Variants in NTRK3 observed in about 807,000 individuals in gnomAD.
NTRK3 encodes the protein NT-3 growth factor receptor.
In NTRK3, 24 loss-of-function variants were observed where a neutral mutation model predicts 91.7. That is an observed-to-expected ratio of 0.26 (90% CI 0.19 to 0.37). NTRK3 has a LOEUF of 0.37. Among genes scored for constraint, NTRK3 ranks in the 10% least tolerant of loss-of-function variants. NTRK3 has a pLI of 1.00. For missense variants in NTRK3, 880 were observed against 1,068.9 expected (o/e 0.82, Z 2.46); for synonymous variants, 483 against 404.0 (o/e 1.20, Z -2.34).
chr15:88,213,448 T>G (rs995953128), intron 3 of NTRK3, among the ~76,000 whole-genome samples: 1 of 152,124 alleles, frequency 6.6e-6, no homozygotes, highest in Non-Finnish European at 1.5e-5. Flanking sequence ...TGAGATGCTG[T>G]GAGGGTGTGC....
chr15:88,107,026 T>C (rs2050787495), intron 13 of NTRK3, among the ~76,000 whole-genome samples: 1 of 143,462 alleles, frequency 7.0e-6, no homozygotes. Flanking sequence ...ATATATACAT[T>C]TACATATATG....
intron 10 of NTRK3, among the ~76,000 whole-genome samples, chr15:88,129,316 T>A (rs148972420): frequency 0.011 from 1,600 of 152,344 alleles, 21 homozygotes; most frequent in Non-Finnish European, 0.017. Context: ...GCACATTGAT[T>A]ATAAGCGAGG....
rs544085613 is a variant in NTRK3 at position 88,136,732 on chromosome 15, T to C, written c.623-123A>G. 4 of 1,230,886 alleles carry C rather than the reference T, an allele frequency of 3.2e-6. No homozygotes were observed. In the East Asian group the frequency reaches 7.7e-5, roughly 24 times the overall value. 76.2% of individuals were successfully genotyped at this position (1,230,886 alleles called of 1,614,324 possible). On this transcript the variant is annotated intron_variant, in intron 7 of 18. Transcript: ENST00000394480. ...CAGTAATGACTCTAACACCACCTGC[T>C]TGAGTTCTTGGAAGACCCGCAAATC...
At chr15:87,919,124 T>C (rs1043517467) in intron 17 of NTRK3, among the ~76,000 whole-genome samples, 2 of 152,048 alleles carry the variant, frequency 1.3e-5, no homozygotes, top group African/African-American at 4.8e-5. Context: ...TCACACAGTG[T>C]AGAAGAAAGA....
intron 14 of NTRK3, among the ~76,000 whole-genome samples, chr15:88,032,494 G>A (rs558628604): frequency 2.0e-4 from 31 of 152,196 alleles, no homozygotes; most frequent in Admixed American, 7.8e-4. Flanking sequence ...GTGAGCTCAG[G>A]GGCTGCTGTC....
At chr15:88,065,154 G>A (rs989925598) in intron 13 of NTRK3, among the ~76,000 whole-genome samples, 4 of 152,066 alleles carry the variant, frequency 2.6e-5, no homozygotes, top group Non-Finnish European at 5.9e-5. Flanking sequence ...GATAGAAAGA[G>A]GGTAGAGGTC....
At chr15:88,127,387 A>AC (rs35645925) in intron 11 of NTRK3, among the ~76,000 whole-genome samples, 161 bp from the exon 12 acceptor site, 1 of 151,232 alleles carries the variant, frequency 6.6e-6, no homozygotes, top group Non-Finnish European at 1.5e-5. Flanking sequence ...GCTTTGCAGG[A>AC]CCCCCCACCC....
At chr15:87,908,086 T>G (rs1281628184) in intron 17 of NTRK3, among the ~76,000 whole-genome samples, 5 of 152,050 alleles carry the variant, frequency 3.3e-5, no homozygotes, top group African/African-American at 1.2e-4. Context: ...GCACCCAAAG[T>G]GTACTCAAAA....
At chr15:87,968,785 G>C (rs192279831) in intron 14 of NTRK3, among the ~76,000 whole-genome samples, 6 of 152,270 alleles carry the variant, frequency 3.9e-5, no homozygotes, top group African/African-American at 1.2e-4. Context: ...ATGGAAGAGA[G>C]AGCATGTGAA....
chr15:87,866,083 G>A, exon 19 of NTRK3: 2 of 229,252 alleles, frequency 8.7e-6, no homozygotes, highest in African/African-American at 4.4e-5. Context: ...TCTCATTTAG[G>A]GCTCAAATAA....
intron 17 of NTRK3, among the ~76,000 whole-genome samples, chr15:87,885,025 T>C (rs1409002904): frequency 6.6e-6 from 1 of 151,810 alleles, no homozygotes; most frequent in Non-Finnish European, 1.5e-5. Flanking sequence ...TTCAAGACAA[T>C]TAACGAAAAA....
intron 13 of NTRK3, among the ~76,000 whole-genome samples, chr15:88,106,280 G>A (rs568318338): frequency 2.6e-5 from 4 of 152,308 alleles, no homozygotes; most frequent in African/African-American, 4.8e-5. Context: ...GAACAAAGCC[G>A]AGCTGAAAAC....
intron 13 of NTRK3, among the ~76,000 whole-genome samples, chr15:88,050,077 C>A (rs994281999): frequency 1.7e-4 from 26 of 152,046 alleles, no homozygotes; most frequent in Non-Finnish European, 1.0e-4. Context: ...TTCATTAAAC[C>A]AACAATTTGC....
At chr15:88,164,787 G>A (rs570175471) in intron 5 of NTRK3, among the ~76,000 whole-genome samples, 1 of 152,058 alleles carries the variant, frequency 6.6e-6, no homozygotes, top group East Asian at 1.9e-4. Flanking sequence ...TATGATTCAG[G>A]GCTTTAATTT....
intron 14 of NTRK3, among the ~76,000 whole-genome samples, chr15:87,999,673 A>C (rs1235174776): frequency 1.3e-5 from 2 of 152,218 alleles, no homozygotes; most frequent in African/African-American, 4.8e-5. Context: ...TGAGGACATG[A>C]CTAAATTGGA....
intron 14 of NTRK3, among the ~76,000 whole-genome samples, chr15:88,015,359 G>A (rs937926878): frequency 6.6e-6 from 1 of 152,124 alleles, no homozygotes; most frequent in Non-Finnish European, 1.5e-5. Flanking sequence ...CCGGGAGGGA[G>A]TCCTTCTCTG....
At chr15:87,979,912 G>C (rs62019228) in intron 14 of NTRK3, among the ~76,000 whole-genome samples, 7,117 of 152,226 alleles carry the variant, frequency 0.047, 242 homozygotes, top group South Asian at 0.1. Flanking sequence ...ACTCTTTAAG[G>C]ATACCAGAGG....
chr15:88,140,303 T>C (rs895333665), intron 6 of NTRK3, among the ~76,000 whole-genome samples: 1 of 152,212 alleles, frequency 6.6e-6, no homozygotes, highest in African/African-American at 2.4e-5. Context: ...TACAGTTGTG[T>C]AGTTTGAGCA....
At chr15:87,902,422 A>G (rs1232445383) in intron 17 of NTRK3, among the ~76,000 whole-genome samples, 2 of 152,224 alleles carry the variant, frequency 1.3e-5, no homozygotes, top group Non-Finnish European at 2.9e-5. Context: ...AATTTTCAAA[A>G]TACATTAGCC....
Sources: allele counts gnomAD v4.1 joint callset (sites outside exome capture counted in the v4.1 genomes callset), GRCh38; gene constraint gnomAD v4.1.1; transcripts MANE v1.5; gene names NCBI Gene and HGNC (gene_info 2026-07-23, HGNC 2026-07-21).